CSMD1: variants seen among roughly 807,000 people sequenced by gnomAD.
The protein encoded by CSMD1 is CUB and Sushi multiple domains 1.
In CSMD1, 213 loss-of-function variants were observed where a neutral mutation model predicts 417.5. The observed-to-expected ratio is 0.51, with a 90% confidence interval of 0.46 to 0.57. The LOEUF is 0.57. CSMD1 is among the 20% of genes least tolerant of loss of function. The pLI is 0.00. For synonymous variants in CSMD1, 2,862 were observed against 1,736.8 expected (o/e 1.65, Z -16.11); for missense variants, 6,923 against 4,529.7 (o/e 1.53, Z -15.17).
intron 1 of CSMD1, among the ~76,000 whole-genome samples, chr8:4,714,202 C>T (rs968250264): frequency 6.6e-6 from 1 of 152,114 alleles, no homozygotes; most frequent in Non-Finnish European, 1.5e-5. Context: ...GCTCCACGTC[C>T]ACCGTGTTGA....
chr8:3,276,993 A>G lies in CSMD1; in HGVS notation c.4153+7151T>C, dbSNP rs77547587. On this transcript the variant is annotated intron_variant, in intron 26 of 69. Transcript: ENST00000635120. The stretch of plus-strand genomic sequence containing the variant: ...TTGTGTTTGGGGACTGGAAGTGACA[A>G]TGTGATTGTCTTCGCTAAAGAAACC... Among the ~76,000 whole-genome samples, 1,476 of 152,250 alleles carry G rather than the reference A, an allele frequency of 9.7e-3. 11 individuals are homozygous for G. The highest frequency in any genetic ancestry group is 0.02 in the Middle Eastern group (6 of 294).
chr8:4,378,424 C>T (rs1483812649), intron 3 of CSMD1, among the ~76,000 whole-genome samples: 1 of 152,188 alleles, frequency 6.6e-6, no homozygotes, highest in Non-Finnish European at 1.5e-5. Flanking sequence ...AGCATGATAT[C>T]AATTGTAAAA....
intron 3 of CSMD1, among the ~76,000 whole-genome samples, chr8:4,124,590 T>G (rs1435857232): frequency 6.6e-6 from 1 of 152,114 alleles, no homozygotes; most frequent in Non-Finnish European, 1.5e-5. Flanking sequence ...CATCTGGGGT[T>G]TCCTGTGCCT....
chr8:3,783,741 T>C (rs139489548), intron 5 of CSMD1, among the ~76,000 whole-genome samples: 17 of 152,330 alleles, frequency 1.1e-4, no homozygotes, highest in African/African-American at 4.1e-4. Context: ...ACTCCTGCTA[T>C]TCAGATCCCC....
At chr8:4,793,323 G>C (rs780566319) in intron 1 of CSMD1, among the ~76,000 whole-genome samples, 1 of 152,086 alleles carries the variant, frequency 6.6e-6, no homozygotes, top group African/African-American at 2.4e-5. Flanking sequence ...CACAGAAGAG[G>C]CATTTTTATT....
At chr8:3,799,917 C>A (rs902140709) in intron 5 of CSMD1, among the ~76,000 whole-genome samples, 1 of 152,126 alleles carries the variant, frequency 6.6e-6, no homozygotes, top group Non-Finnish European at 1.5e-5. Flanking sequence ...ATGCAACTTT[C>A]CTGTTTCTCA....
intron 3 of CSMD1, among the ~76,000 whole-genome samples, chr8:4,404,047 T>A (rs920512837): frequency 6.6e-6 from 1 of 152,176 alleles, no homozygotes; most frequent in East Asian, 1.9e-4. Flanking sequence ...TCCAGACTTA[T>A]CCAAAAACAC....
chr8:4,936,660 A>G (rs1055250423), intron 1 of CSMD1, among the ~76,000 whole-genome samples: 2 of 152,230 alleles, frequency 1.3e-5, no homozygotes, highest in African/African-American at 4.8e-5. Context: ...CTAGTTATGG[A>G]CATTATTAAC....
In CSMD1 at chr8:4,928,490, T is replaced by C. The variant is rs138078543; in HGVS notation, c.85+65842A>G. ...CAGAGATATTTATGAAATAATTATG[T>C]GAGCCTGAGCAAGTTACTGGCCCTC... On this transcript the variant is annotated intron_variant, in intron 1 of 69. Transcript: ENST00000635120. 1.3e-5 allele frequency among the ~76,000 whole-genome samples: 2 copies of C among 152,334 alleles called. 1 individual carries two copies. The highest frequency in any genetic ancestry group is 4.1e-4 in the South Asian group (2 of 4,830).
intron 36 of CSMD1, among the ~76,000 whole-genome samples, chr8:3,184,649 G>A (rs10089379): frequency 0.27 from 41,309 of 152,076 alleles, 6,284 homozygotes; most frequent in Non-Finnish European, 0.36. Flanking sequence ...GGCATACGAC[G>A]TGTCTTTTAA....
rs548375128 is a variant in CSMD1 at position 3,615,022 on chromosome 8, T to C, written c.1097+1688A>G. Among the ~76,000 whole-genome samples the C allele has an allele frequency of 3.3e-5, 5 of 152,328 alleles. No individual in the cohort carries two copies. The East Asian group carries it at 9.6e-4, about 29-fold the overall frequency. ...GAGCCCTTGGAAGAATGGGCAATTTTATTTCGTTGCTTTGTTTTCAAAAGA... is the reference window on the plus strand; with the variant it reads ...GAGCCCTTGGAAGAATGGGCAATTTCATTTCGTTGCTTTGTTTTCAAAAGA... On this transcript the variant is annotated intron_variant, in intron 8 of 69. Transcript: ENST00000635120.
intron 3 of CSMD1, among the ~76,000 whole-genome samples, chr8:4,276,999 G>C (rs1023059509): frequency 1.3e-5 from 2 of 151,996 alleles, no homozygotes; most frequent in Non-Finnish European, 2.9e-5. Context: ...TAAACTCCAG[G>C]TTAAGTTTAA....
chr8:4,189,558 C>T (rs1212445232), intron 3 of CSMD1, among the ~76,000 whole-genome samples: 2 of 152,230 alleles, frequency 1.3e-5, no homozygotes, highest in South Asian at 2.1e-4. Flanking sequence ...AATTATCCCT[C>T]CAAAATGTTG....
At chr8:4,301,322 T>A (rs373003123) in intron 3 of CSMD1, among the ~76,000 whole-genome samples, 5 of 152,290 alleles carry the variant, frequency 3.3e-5, no homozygotes, top group African/African-American at 1.2e-4. Flanking sequence ...TGCCATGACC[T>A]TTATACTCAA....
chr8:4,402,814 TTTTTTTC>T (rs1804736449), intron 3 of CSMD1, among the ~76,000 whole-genome samples: 2 of 59,336 alleles, frequency 3.4e-5, no homozygotes, highest in Non-Finnish European at 7.5e-5. Context: ...TTTTTTTTTT[TTTTTTTC>T]TTTTTTTTTT....
intron 27 of CSMD1, among the ~76,000 whole-genome samples, chr8:3,224,996 A>G (rs2028742): frequency 0.27 from 41,453 of 152,168 alleles, 5,798 homozygotes; most frequent in East Asian, 0.31. Flanking sequence ...TTCCACTTAA[A>G]TTATATGTCT....
At chr8:4,044,384 C>A (rs1798042049) in intron 3 of CSMD1, among the ~76,000 whole-genome samples, 1 of 152,098 alleles carries the variant, frequency 6.6e-6, no homozygotes, top group Non-Finnish European at 1.5e-5. Context: ...TCTTAATAAG[C>A]TAAAGGCAAT....
At chr8:3,007,830 G>C (rs1360258734) in intron 52 of CSMD1, among the ~76,000 whole-genome samples, 2 of 150,726 alleles carry the variant, frequency 1.3e-5, no homozygotes, top group Admixed American at 6.6e-5. Context: ...TAGATGACGA[G>C]TTAGTGGGTG....
intron 49 of CSMD1, among the ~76,000 whole-genome samples, chr8:3,062,338 C>T (rs747023323): frequency 1.3e-5 from 2 of 152,046 alleles, no homozygotes; most frequent in African/African-American, 2.4e-5. Flanking sequence ...TCTCCACCCA[C>T]GGGGATAGAA....
Sources: gnomAD v4.1 joint callset for allele counts (sites outside exome capture counted in the v4.1 genomes callset) on GRCh38, gnomAD v4.1.1 for gene constraint, MANE v1.5 for transcripts, NCBI Gene and HGNC (gene_info 2026-07-23, HGNC 2026-07-21) for gene names.